Variants in GPC6 observed in about 807,000 individuals in gnomAD.
GPC6 encodes glypican 6, also known as glypican-6.
Under a neutral mutation model 55.2 loss-of-function variants are expected in GPC6, and 14 were observed. That is an observed-to-expected ratio of 0.25 (90% CI 0.17 to 0.40). GPC6 has a LOEUF of 0.40. Among genes scored for constraint, GPC6 ranks in the 10% least tolerant of loss-of-function variants. The probability of loss-of-function intolerance (pLI) is 1.00; values close to 1 mark genes in which losing one functional copy is unlikely to be tolerated. For missense variants in GPC6, 641 were observed against 708.5 expected (o/e 0.90, Z 1.08); for synonymous variants, 278 against 259.6 (o/e 1.07, Z -0.68).
intron 4 of GPC6, among the ~76,000 whole-genome samples, chr13:94,259,914 A>G (rs553224790): frequency 6.6e-6 from 1 of 152,214 alleles, no homozygotes; most frequent in Admixed American, 6.5e-5. Context: ...ACACACACAC[A>G]CGCACACGAT....
At chr13:93,277,051 G>A (rs1439111029) in intron 1 of GPC6, among the ~76,000 whole-genome samples, 2 of 152,120 alleles carry the variant, frequency 1.3e-5, no homozygotes, top group South Asian at 2.1e-4. Flanking sequence ...GGGAGAAAGG[G>A]AACCCCAGGG....
chr13:93,876,708 G>T (rs1011091353), intron 3 of GPC6, among the ~76,000 whole-genome samples: 2 of 151,990 alleles, frequency 1.3e-5, no homozygotes, highest in Non-Finnish European at 1.5e-5. Context: ...AAAGAAAAGA[G>T]ATTCTTTCTT....
intron 4 of GPC6, among the ~76,000 whole-genome samples, chr13:94,254,419 A>T (rs1182691372): frequency 1.3e-5 from 2 of 152,156 alleles, no homozygotes; most frequent in Admixed American, 1.3e-4. Flanking sequence ...TCAAAGTAAC[A>T]TTAAGCTTCT....
rs78480008 is a variant in GPC6 at position 93,519,280 on chromosome 13, A to G, written c.161-25983A>G. Among the ~76,000 whole-genome samples the G allele has an allele frequency of 4.9e-3, 746 of 152,176 alleles. 2 individuals are homozygous for G. The highest frequency in any genetic ancestry group is 0.017 in the African/African-American group (692 of 41,546). The stretch of plus-strand genomic sequence containing the variant: ...ATCTCATTTAACATTTATTAGTTTA[A>G]TGAACTTTAAACAAATTATAGAAGA... On this transcript the variant is annotated intron_variant, in intron 1 of 8. Transcript: ENST00000377047.
At chr13:94,094,475 C>T (rs558516717) in intron 4 of GPC6, among the ~76,000 whole-genome samples, 54 of 152,216 alleles carry the variant, frequency 3.5e-4, no homozygotes, top group African/African-American at 1.2e-3. Flanking sequence ...TGGTTTGCTT[C>T]AAACTGGTAA....
chr13:93,604,329 C>A (rs1878147325), intron 2 of GPC6, among the ~76,000 whole-genome samples: 1 of 152,200 alleles, frequency 6.6e-6, no homozygotes, highest in African/African-American at 2.4e-5. Context: ...TATTGAGCTT[C>A]TTCCTTGCCA....
At chr13:94,295,449 G>T (rs1229260127) in intron 5 of GPC6, among the ~76,000 whole-genome samples, 1 of 152,184 alleles carries the variant, frequency 6.6e-6, no homozygotes, top group Non-Finnish European at 1.5e-5. Flanking sequence ...AAGGTCGGAA[G>T]ATCAGACTTG....
intron 2 of GPC6, among the ~76,000 whole-genome samples, chr13:93,551,645 A>G (rs1446574602): frequency 6.6e-6 from 1 of 152,180 alleles, no homozygotes; most frequent in East Asian, 1.9e-4. Flanking sequence ...AATTTCCAAC[A>G]TTAGTGGGAC....
At chr13:94,084,670 G>C (rs1384619624) in intron 4 of GPC6, among the ~76,000 whole-genome samples, 2 of 152,100 alleles carry the variant, frequency 1.3e-5, no homozygotes, top group Non-Finnish European at 1.5e-5. Context: ...CTCTTTTCCA[G>C]ATCTTGGGAA....
intron 6 of GPC6, among the ~76,000 whole-genome samples, chr13:94,371,203 G>A (rs566440966): frequency 1.9e-4 from 29 of 152,098 alleles, no homozygotes; most frequent in South Asian, 4.2e-4. Flanking sequence ...ATCCCTGTAC[G>A]GACTGATTGA....
upstream of GPC6, among the ~76,000 whole-genome samples, chr13:93,225,336 T>A (rs1875733581): frequency 1.3e-5 from 2 of 152,178 alleles, no homozygotes; most frequent in Non-Finnish European, 2.9e-5. Context: ...CAGAATATAT[T>A]TTATCTTGAT....
At chr13:93,425,599 G>A (rs1235568564) in intron 1 of GPC6, among the ~76,000 whole-genome samples, 1 of 152,178 alleles carries the variant, frequency 6.6e-6, no homozygotes, top group Non-Finnish European at 1.5e-5. Context: ...TGGAGTCAAA[G>A]CCAAGTCGAA....
chr13:94,286,499 A>C lies in GPC6; in HGVS notation c.1008+20A>C. On this transcript the variant is annotated intron_variant, in intron 5 of 8. Coordinates refer to ENST00000377047, the MANE Select transcript of GPC6 (RefSeq NM_005708.5). The stretch of plus-strand genomic sequence containing the variant: ...GCAAAGGTATTTGCATTAGTAATGT[A>C]TCTGCCAATACATGTATGTTATACA... 3 of 1,606,290 alleles carry C rather than the reference A, an allele frequency of 1.9e-6. No individual in the cohort carries two copies. Among genetic ancestry groups the C allele is most frequent in the Non-Finnish European group, 2.6e-6 (3 of 1,173,126 alleles).
chr13:93,896,112 A>G (rs1875998072), intron 3 of GPC6, among the ~76,000 whole-genome samples: 2 of 152,092 alleles, frequency 1.3e-5, no homozygotes, highest in Admixed American at 1.3e-4. Flanking sequence ...CCCTGATGTG[A>G]TCATTACACA....
At chr13:93,771,740 A>G (rs1372824997) in intron 2 of GPC6, among the ~76,000 whole-genome samples, 11 of 152,074 alleles carry the variant, frequency 7.2e-5, no homozygotes, top group African/African-American at 2.7e-4. Context: ...AAAAAAGTCA[A>G]GCATAGGAGA....
chr13:94,068,575 T>C (rs1235206495), intron 4 of GPC6, among the ~76,000 whole-genome samples: 1 of 152,194 alleles, frequency 6.6e-6, no homozygotes, highest in Non-Finnish European at 1.5e-5. Context: ...ACAAGGCAAG[T>C]TCCTCCTGCC....
chr13:93,501,663 T>C (rs1454493106), intron 1 of GPC6, among the ~76,000 whole-genome samples: 26 of 152,032 alleles, frequency 1.7e-4, no homozygotes, highest in Non-Finnish European at 1.5e-5. Flanking sequence ...AAAAGAAGAG[T>C]TTACTGCATC....
rs576252809 is a variant in GPC6 at position 94,051,924 on chromosome 13, C to T, written c.877+24030C>T. Among the ~76,000 whole-genome samples, 6 of 152,098 alleles carry T rather than the reference C, an allele frequency of 3.9e-5. No homozygotes were observed. The South Asian group carries it at 1.0e-3, about 26-fold the overall frequency. ...AATATATGAAAGTGTTTTGATTCAA[C>T]AATATTCAGTAAATATCTAGAGTGC... On this transcript the variant is annotated intron_variant, in intron 4 of 8. Coordinates refer to ENST00000377047, the MANE Select transcript of GPC6 (RefSeq NM_005708.5).
At chr13:94,036,592 A>C (rs1381851611) in intron 4 of GPC6, among the ~76,000 whole-genome samples, 2 of 152,040 alleles carry the variant, frequency 1.3e-5, no homozygotes, top group Non-Finnish European at 2.9e-5. Flanking sequence ...AGCTGATTTG[A>C]AAAAGGGCCT....
Sources: allele counts gnomAD v4.1 joint callset (sites outside exome capture counted in the v4.1 genomes callset), GRCh38; gene constraint gnomAD v4.1.1; transcripts MANE v1.5; gene names NCBI Gene and HGNC (gene_info 2026-07-23, HGNC 2026-07-21).